LRP1B: variants seen among roughly 807,000 people sequenced by gnomAD.
LRP1B encodes LDL receptor related protein 1B.
A neutral mutation model predicts 556.6 loss-of-function variants in LRP1B; 217 were observed. That is an observed-to-expected ratio of 0.39 (90% CI 0.35 to 0.44). The LOEUF is 0.44. LRP1B is among the 20% of genes least tolerant of loss of function. The pLI is 1.00. For synonymous variants in LRP1B, 2,047 were observed against 1,865.8 expected (o/e 1.10, Z -2.50); for missense variants, 5,053 against 5,620.8 (o/e 0.90, Z 3.23).
At chr2:140,379,821 C>T (rs535705637) in intron 67 of LRP1B, among the ~76,000 whole-genome samples, 33 of 152,222 alleles carry the variant, frequency 2.2e-4, no homozygotes, top group African/African-American at 6.7e-4. Flanking sequence ...AAGACCTTCA[C>T]GGTATAAGAC....
chr2:140,505,608 A>C (rs2104903168), intron 53 of LRP1B, among the ~76,000 whole-genome samples: 1 of 152,284 alleles, frequency 6.6e-6, no homozygotes, highest in East Asian at 1.9e-4. Context: ...AGCAGAGGGG[A>C]GATATTCAAT....
At position 141,288,542 on chromosome 2, in the gene LRP1B, T is replaced by A. The variant is rs556667654; in HGVS notation, c.344-33901A>T. 1.6e-4 allele frequency among the ~76,000 whole-genome samples: 25 copies of A among 152,248 alleles called. No homozygotes were observed. In the South Asian group the frequency reaches 5.2e-3, roughly 32 times the overall value. On this transcript the variant is annotated intron_variant, in intron 3 of 90. Transcript: ENST00000389484. The stretch of plus-strand genomic sequence containing the variant: ...TTATAGATCAAGATACTACAATAGG[T>A]ACTTTCAGGGACATGAAGATTAAGC...
chr2:141,334,403 G>T (rs557483825), intron 3 of LRP1B, among the ~76,000 whole-genome samples: 1 of 152,202 alleles, frequency 6.6e-6, no homozygotes, highest in Admixed American at 6.5e-5. Flanking sequence ...TTTGACTTCT[G>T]CCATGAGCTA....
chr2:141,905,920 C>A (rs989425601), intron 1 of LRP1B, among the ~76,000 whole-genome samples: 3 of 148,170 alleles, frequency 2.0e-5, no homozygotes, highest in Non-Finnish European at 4.5e-5. Context: ...GTATACACAT[C>A]TCTAAGAGGA....
chr2:141,846,985 A>G (rs1004370240), intron 1 of LRP1B, among the ~76,000 whole-genome samples: 2 of 151,504 alleles, frequency 1.3e-5, no homozygotes, highest in African/African-American at 4.8e-5. Context: ...CTCTCTTACT[A>G]AATAAGGTAA....
At chr2:141,806,578 C>G (rs1044995850) in intron 2 of LRP1B, among the ~76,000 whole-genome samples, 1 of 152,002 alleles carries the variant, frequency 6.6e-6, no homozygotes, top group Non-Finnish European at 1.5e-5. Flanking sequence ...CAACCTCACA[C>G]AACAGTTTTC....
Position 142,060,459 on chromosome 2 carries a change from C to T in LRP1B, c.82+70189G>A, listed in dbSNP as rs187222438. Among the ~76,000 whole-genome samples, 66 of 152,148 alleles carry T rather than the reference C, an allele frequency of 4.3e-4. 1 individual carries two copies. In the East Asian group the frequency reaches 0.011, roughly 26 times the overall value. On this transcript the variant is annotated intron_variant, in intron 1 of 90. Transcript: ENST00000389484. Reference sequence around the variant, plus strand: ...GAGAGTCTGCCTCTGCTGATCCACCCTCTTACTTTGAAAGTTTGAAAATCC... The same window carrying T: ...GAGAGTCTGCCTCTGCTGATCCACCTTCTTACTTTGAAAGTTTGAAAATCC...
At chr2:140,814,444 G>T (rs1691035617) in intron 31 of LRP1B, among the ~76,000 whole-genome samples, 1 of 152,148 alleles carries the variant, frequency 6.6e-6, no homozygotes, top group South Asian at 2.1e-4. Context: ...TTCATAGCTA[G>T]TTAGTGGACA....
intron 1 of LRP1B, among the ~76,000 whole-genome samples, chr2:141,885,217 AAG>A (rs1426339162): frequency 2.0e-5 from 3 of 152,170 alleles, no homozygotes; most frequent in Admixed American, 6.6e-5. Context: ...TACAGTATGA[AAG>A]AGAGTAGATA....
intron 6 of LRP1B, among the ~76,000 whole-genome samples, chr2:141,198,741 C>A (rs553505456): frequency 6.6e-6 from 1 of 152,096 alleles, no homozygotes; most frequent in East Asian, 1.9e-4. Flanking sequence ...TCCAGGTTAT[C>A]CCTTCCCTAC....
At chr2:141,326,254 G>A (rs982677134) in intron 3 of LRP1B, among the ~76,000 whole-genome samples, 2 of 152,090 alleles carry the variant, frequency 1.3e-5, no homozygotes, top group Non-Finnish European at 2.9e-5. Flanking sequence ...TGCGATGTAA[G>A]TGATTTGATA....
At chr2:141,461,400 T>G (rs1290230851) in intron 3 of LRP1B, among the ~76,000 whole-genome samples, 1 of 152,182 alleles carries the variant, frequency 6.6e-6, no homozygotes, top group Admixed American at 6.6e-5. Flanking sequence ...AAAGCTTGAC[T>G]GCAGTATGCT....
chr2:141,033,507 A>C (rs187696559), intron 11 of LRP1B, among the ~76,000 whole-genome samples: 13 of 151,270 alleles, frequency 8.6e-5, no homozygotes, highest in Non-Finnish European at 1.5e-4. Context: ...AGTGACAGTA[A>C]ACATCTGCTA....
At chr2:141,393,135 A>G (rs1012232359) in intron 3 of LRP1B, among the ~76,000 whole-genome samples, 2 of 152,170 alleles carry the variant, frequency 1.3e-5, no homozygotes, top group Non-Finnish European at 2.9e-5. Flanking sequence ...CTGTGAGGTC[A>G]GTAAGATCCT....
rs554561930 is a variant in LRP1B at position 140,919,290 on chromosome 2, T to G, written c.3319+3675A>C. On this transcript the variant is annotated intron_variant, in intron 21 of 90. Coordinates refer to ENST00000389484, the MANE Select transcript of LRP1B (RefSeq NM_018557.3). ...CTCCATTATTTCCAGCAATCTTGGT[T>G]CAGAAATACAACTTATATTTTTTGT... is the stretch of plus-strand genomic sequence containing the variant. 2.3e-3 allele frequency among the ~76,000 whole-genome samples: 351 copies of G among 152,184 alleles called. 1 individual carries two copies. Among genetic ancestry groups the G allele is most frequent in the Non-Finnish European group, 3.7e-3 (254 of 67,986 alleles).
In LRP1B at chr2:142,115,769, TCA is replaced by T. The variant is rs1450007987; in HGVS notation, c.82+14877_82+14878del. Among the ~76,000 whole-genome samples the T allele has an allele frequency of 5.7e-5, 2 of 35,346 alleles. 1 individual carries two copies. The highest frequency in any genetic ancestry group is 2.3e-4 in the African/African-American group (2 of 8,584). The allele number at this position is 35,346 out of a possible 152,430, so 23.2% of individuals were successfully genotyped here. On this transcript the variant is annotated intron_variant, in intron 1 of 90. Coordinates refer to ENST00000389484, the MANE Select transcript of LRP1B (RefSeq NM_018557.3). ...ATATATTATATATATGTAATATATATCATATATATGTAATATATATCATATAT... is the reference window on the plus strand; with the variant it reads ...ATATATTATATATATGTAATATATATTATATATGTAATATATATCATATAT...
chr2:140,395,702 T>A (rs1055899839), intron 66 of LRP1B, among the ~76,000 whole-genome samples: 3 of 152,226 alleles, frequency 2.0e-5, no homozygotes, highest in African/African-American at 7.2e-5. Flanking sequence ...ATTTTCTTTA[T>A]AAAGAGGTGA....
chr2:141,386,337 TA>T (rs1304209968), intron 3 of LRP1B, among the ~76,000 whole-genome samples: 2 of 152,142 alleles, frequency 1.3e-5, no homozygotes, highest in African/African-American at 4.8e-5. Context: ...AAACAAGTTA[TA>T]AAGTGGCAGA....
At chr2:141,555,134 A>T (rs888065216) in intron 2 of LRP1B, among the ~76,000 whole-genome samples, 4 of 152,006 alleles carry the variant, frequency 2.6e-5, no homozygotes, top group African/African-American at 9.7e-5. Context: ...AGAGATATAC[A>T]CATACAGATG....
Sources: gnomAD v4.1 joint callset for allele counts (sites outside exome capture counted in the v4.1 genomes callset) on GRCh38, gnomAD v4.1.1 for gene constraint, MANE v1.5 for transcripts, NCBI Gene and HGNC (gene_info 2026-07-23, HGNC 2026-07-21) for gene names.